The following OPA1 variants were observed in gnomAD, a reference collection of about 807,000 sequenced individuals.
OPA1 encodes the protein dynamin-like GTPase OPA1, mitochondrial.
Under a neutral mutation model 152.9 loss-of-function variants are expected in OPA1, and 59 were observed. The ratio of observed to expected loss-of-function variants is 0.39; its 90% CI spans 0.31 to 0.48. OPA1 has a LOEUF of 0.48. Among genes scored for constraint, OPA1 ranks in the 20% least tolerant of loss-of-function variants. The probability of loss-of-function intolerance (pLI) is 0.96; values close to 1 mark genes in which losing one functional copy is unlikely to be tolerated. For missense variants in OPA1, 1,008 were observed against 1,216.8 expected, an observed-to-expected ratio of 0.83 and a Z score of 2.55; for synonymous variants, 400 against 389.9, an observed-to-expected ratio of 1.03 and a Z score of -0.31.
At chr3:193,688,560 C>G (rs1223258110) in intron 29 of OPA1, among the ~76,000 whole-genome samples, 5 of 140,576 alleles carry the variant, frequency 3.6e-5, no homozygotes, top group African/African-American at 1.3e-4. Flanking sequence ...TCACTGCAAC[C>G]TCCGCCTCCC....
At chr3:193,596,365 A>ATCC (rs1725553300) in intron 1 of OPA1, among the ~76,000 whole-genome samples, 3 of 68,072 alleles carry the variant, frequency 4.4e-5, no homozygotes, top group Admixed American at 1.8e-4. Flanking sequence ...TCTTTTCTTA[A>ATCC]TTTTCTTTTC....
rs1055417335 is a variant in OPA1, at chr3:193,696,601, A to G, written c.*2001A>G. The G allele has an allele frequency of 2.6e-5, 4 of 152,166 alleles. No homozygotes were observed. The highest frequency in any genetic ancestry group is 9.7e-5 in the African/African-American group (4 of 41,440). 9.4% of individuals were successfully genotyped at this position (152,166 alleles called of 1,614,324 possible). ...ATTTATCAACTGCAGATGTTATTGAAAGAAAATAAAATTCAGTCTCAAGAG... is the reference window on the plus strand; with the variant it reads ...ATTTATCAACTGCAGATGTTATTGAGAGAAAATAAAATTCAGTCTCAAGAG... On this transcript the variant is annotated 3_prime_UTR_variant, in exon 31 of 31. Transcript: ENST00000361510.
Position 193,643,948 on chromosome 3 carries a change from A to G in OPA1, c.1478-27A>G, listed in dbSNP as rs757615921. 5 of 1,612,084 alleles carry G rather than the reference A, an allele frequency of 3.1e-6. No homozygotes were observed. In the Admixed American group the frequency reaches 8.3e-5, roughly 27 times the overall value. Reference sequence around the variant, plus strand: ...AGTCTACTTTACATCTTAAAATTCCACAGTGTCATTTTTTTATTTTTTTCA... The same window carrying G: ...AGTCTACTTTACATCTTAAAATTCCGCAGTGTCATTTTTTTATTTTTTTCA... On this transcript the variant is annotated intron_variant, in intron 15 of 30. Coordinates refer to ENST00000361510, the MANE Select transcript of OPA1 (RefSeq NM_130837.3).
At position 193,697,026 on chromosome 3, in the gene OPA1, T is replaced by C. The variant is rs1722305657; in HGVS notation, c.*2426T>C. The C allele has an allele frequency of 6.6e-6, 1 of 152,262 alleles. No homozygotes were observed. The highest frequency in any genetic ancestry group is 2.4e-5 in the African/African-American group (1 of 41,464). The allele number at this position is 152,262 out of a possible 1,614,324, so 9.4% of individuals were successfully genotyped here. A position where few individuals can be genotyped will look rare whatever the true frequency, so the allele number is the denominator to read the frequency against. ...TCCGCAGACTTCTTTCTGCAAATTA[T>C]TCAGCCTCCAAATGCAAATGAATGA... On this transcript the variant is annotated 3_prime_UTR_variant, in exon 31 of 31. Coordinates refer to ENST00000361510, the MANE Select transcript of OPA1 (RefSeq NM_130837.3).
chr3:193,669,768 G>A (rs781211631), intron 29 of OPA1, among the ~76,000 whole-genome samples: 9 of 152,090 alleles, frequency 5.9e-5, no homozygotes, highest in Non-Finnish European at 8.8e-5. Context: ...TATGTTTTTA[G>A]TAGAGGCTTT....
At chr3:193,630,861 ATATT>A (rs1331233334) in intron 7 of OPA1, among the ~76,000 whole-genome samples, 1 of 152,112 alleles carries the variant, frequency 6.6e-6, no homozygotes, top group Non-Finnish European at 1.5e-5. Context: ...TTGTTTTTTA[ATATT>A]TTATTTTAGA....
At chr3:193,676,873 G>C (rs906390813) in intron 29 of OPA1, among the ~76,000 whole-genome samples, 12 of 151,626 alleles carry the variant, frequency 7.9e-5, no homozygotes, top group South Asian at 2.1e-4. Context: ...CCCAGCTGCT[G>C]GGGAGGCTGA....
intron 7 of OPA1, among the ~76,000 whole-genome samples, chr3:193,626,632 A>G (rs1731202572): frequency 6.6e-6 from 1 of 152,228 alleles, no homozygotes; most frequent in South Asian, 2.1e-4. Flanking sequence ...TGTTTTAGCT[A>G]AAGTATATGG....
At chr3:193,609,853 G>A (rs1210621458) in intron 1 of OPA1, among the ~76,000 whole-genome samples, 4 of 152,066 alleles carry the variant, frequency 2.6e-5, no homozygotes, top group African/African-American at 7.2e-5. Flanking sequence ...TTGTGCATCC[G>A]TCACGTAGTT....
intron 8 of OPA1, among the ~76,000 whole-genome samples, chr3:193,633,154 G>T (rs1437389631): frequency 6.6e-6 from 1 of 152,140 alleles, no homozygotes; most frequent in Admixed American, 6.5e-5. Context: ...TCTGCAACCA[G>T]GGGTAAGAGT....
intron 7 of OPA1, among the ~76,000 whole-genome samples, chr3:193,629,586 G>A (rs1731746276): frequency 6.6e-6 from 1 of 151,934 alleles, no homozygotes; most frequent in African/African-American, 2.4e-5. Flanking sequence ...TGTAGTCCCA[G>A]CTACTTGGGA....
At position 193,654,848 on chromosome 3, in the gene OPA1, C is replaced by CT. The variant is rs781060459; in HGVS notation, c.2013-8dup. 1 of 1,612,530 alleles carries CT rather than the reference C, an allele frequency of 6.2e-7. No individual in the cohort carries two copies. The highest frequency in any genetic ancestry group is 8.5e-7 in the Non-Finnish European group (1 of 1,179,126). On this transcript the variant is annotated splice_polypyrimidine_tract_variant and intron_variant, in intron 21 of 30. Transcript: ENST00000361510. ...ATATTTAGATTTGGTGCTTTTGATA[C>CT]TTTTTTATTTCAGGGAGGAAATCCT...
intron 5 of OPA1, chr3:193,618,491 AAAAAAG>A: frequency 4.7e-6 from 1 of 211,086 alleles, no homozygotes; most frequent in Non-Finnish European, 9.6e-6. Flanking sequence ...CCCCCAAAAA[AAAAAAG>A]AAAAGAAAAA....
At chr3:193,622,226 C>CTTTTTTTTTTTTTT (rs758993120) in intron 6 of OPA1, among the ~76,000 whole-genome samples, 5 of 107,916 alleles carry the variant, frequency 4.6e-5, no homozygotes, top group African/African-American at 3.8e-5. Context: ...TACTCTCATT[C>CTTTTTTTTTTTTTT]TTTTTTTTTT....
At chr3:193,677,268 C>T (rs1719306427) in intron 29 of OPA1, among the ~76,000 whole-genome samples, 1 of 148,310 alleles carries the variant, frequency 6.7e-6, no homozygotes, top group Non-Finnish European at 1.5e-5. Flanking sequence ...AAGGCCAGTG[C>T]ACAATTTTTT....
chr3:193,684,011 G>A (rs1720573265), intron 29 of OPA1, among the ~76,000 whole-genome samples: 1 of 152,156 alleles, frequency 6.6e-6, no homozygotes, highest in African/African-American at 2.4e-5. Context: ...ATGGAAAGCA[G>A]AGGTCATTCC....
At chr3:193,623,295 A>G (rs1327067860) in intron 6 of OPA1, among the ~76,000 whole-genome samples, 2 of 152,304 alleles carry the variant, frequency 1.3e-5, no homozygotes, top group East Asian at 3.9e-4. Context: ...CAACATATGA[A>G]TTGTGGGAGA....
chr3:193,690,857 C>T (rs1373686250), intron 29 of OPA1, among the ~76,000 whole-genome samples: 1 of 152,116 alleles, frequency 6.6e-6, no homozygotes, highest in African/African-American at 2.4e-5. Context: ...TGATCATTTC[C>T]ACTAATATGT....
chr3:193,685,927 C>T (rs961413480), intron 29 of OPA1, among the ~76,000 whole-genome samples: 4 of 152,020 alleles, frequency 2.6e-5, no homozygotes, highest in African/African-American at 7.2e-5. Flanking sequence ...AGGTTAACGG[C>T]GAATACAACA....
Sources: allele counts gnomAD v4.1 joint callset (sites outside exome capture counted in the v4.1 genomes callset), GRCh38; gene constraint gnomAD v4.1.1; transcripts MANE v1.5; gene names NCBI Gene and HGNC (gene_info 2026-07-23, HGNC 2026-07-21).